Variants in KMT2D observed in about 807,000 individuals in gnomAD.
KMT2D encodes histone-lysine N-methyltransferase 2D.
A neutral mutation model predicts 512.7 loss-of-function variants in KMT2D; 55 were observed. The observed-to-expected ratio is 0.11, with a 90% CI of 0.09 to 0.13. The LOEUF (loss-of-function observed/expected upper bound fraction) is 0.13. Ranked by LOEUF, KMT2D falls within the 10% of genes least tolerant of loss-of-function variation. KMT2D has a pLI of 1.00. For synonymous variants in KMT2D, 2,995 were observed against 2,904.0 expected (o/e 1.03, Z -1.01); for missense variants, 6,061 against 7,127.9 (o/e 0.85, Z 5.39).
In KMT2D at chr12:49,020,572, T is replaced by TTGCCC; in HGVS notation, c.*1207_*1208insGGGCA. On this transcript the variant is annotated 3_prime_UTR_variant, in exon 55 of 55. Coordinates refer to ENST00000301067, the MANE Select transcript of KMT2D (RefSeq NM_003482.4). ...ACAATCCCATGTATAAATAGATAAA[T>TTGCCC]ACCCCCCACCCTCCCCGCGCTGACA... 5.1e-6 allele frequency: 1 copy of TTGCCC among 194,268 alleles called. No individual in the cohort carries two copies. The highest frequency in any genetic ancestry group is 1.1e-5 in the Non-Finnish European group (1 of 94,614). 12.0% of individuals were successfully genotyped at this position (194,268 alleles called of 1,614,324 possible).
rs1478027335 is a variant in KMT2D at position 49,037,948 on chromosome 12, A to G, written c.9408T>C (p.Ile3136=). The change falls in exon 35 of 55, where the codon ATT becomes ATC. Residue 3136 remains isoleucine (I), a synonymous_variant. Transcript: ENST00000301067. ...GRHPSPCQFT[I]ATPKVEPAPA... The stretch of plus-strand genomic sequence containing the variant: ...GTGCGGGCTCTACCTTGGGGGTAGC[A>G]ATGGTGAATTGGCAAGGAGAAGGGT... 7 of 1,603,976 alleles carry G rather than the reference A, an allele frequency of 4.4e-6. No homozygotes were observed. In the Admixed American group the frequency reaches 5.1e-5, roughly 12 times the overall value.
At chr12:49,055,960 C>G (rs1294049939) in intron 1 of KMT2D, among the ~76,000 whole-genome samples, 1 of 152,174 alleles carries the variant, frequency 6.6e-6, no homozygotes, top group Non-Finnish European at 1.5e-5. Context: ...AGAAGAAACT[C>G]CCTAATTTCC....
chr12:49,052,452 A>C (rs889708647), intron 10 of KMT2D, 28 bp from the exon 11 acceptor site: 1 of 1,546,982 alleles, frequency 6.5e-7, no homozygotes, highest in East Asian at 2.3e-5. Context: ...CGATGCTCCT[A>C]TCTAGCTCAG....
rs558561472 is a variant in KMT2D at position 49,030,304 on chromosome 12, G to A, written c.13975C>T (p.Arg4659Trp). The A allele has an allele frequency of 1.5e-5, 24 of 1,602,904 alleles. No individual in the cohort carries two copies. The highest frequency in any genetic ancestry group is 1.1e-4 in the East Asian group (5 of 44,482). Residue 4659 changes from arginine (R) to tryptophan (W), a missense_variant, in exon 43 of 55, where the codon CGG becomes TGG. By Grantham distance (101) the Arg-to-Trp change is moderately radical. Around this residue, in one of 16 missense-constraint regions of KMT2D, gnomAD observed 1,600 missense variants for 1,754.9 expected, o/e 0.91. Transcript: ENST00000301067. ...CCCCTCAGTGCCCTTTCACTATCCC[G>A]GGCAGAGGCAGCATCCTTGGGGTGC... ...GEHPKDAASA[R>W]DSERALRDTS...
Position 49,037,267 on chromosome 12 carries a change from C to A in KMT2D, c.10089G>T (p.Gly3363=), listed in dbSNP as rs2120476536. ...TCTGCTGGGGTACCAAGCCTGCCTG[C>A]CCTCCATGCTGCCCACTTAGCATAT... ...QGHMLSGQHG[G]QAGLVPQQSS... The change falls in exon 35 of 55, where the codon GGG becomes GGT. Residue 3363 remains glycine (G), a synonymous_variant. Coordinates refer to ENST00000301067, the MANE Select transcript of KMT2D (RefSeq NM_003482.4). The A allele has an allele frequency of 1.9e-6, 3 of 1,613,656 alleles. No homozygotes were observed. Among genetic ancestry groups the A allele is most frequent in the Non-Finnish European group, 2.5e-6 (3 of 1,179,826 alleles).
At position 49,060,061 on chromosome 12, in the gene KMT2D, C is replaced by A. The variant is rs1938649964; in HGVS notation, c.-486G>T. Among the ~76,000 whole-genome samples, 1 of 151,556 alleles carries A rather than the reference C, an allele frequency of 6.6e-6. No homozygotes were observed. Among genetic ancestry groups the A allele is most frequent in the Non-Finnish European group, 1.5e-5 (1 of 67,794 alleles). ...GCAGCCCGGAAGGAATGCCGCGCCGCCCCGCGCCTGGCCCGGATGGAACGT... is the reference window on the plus strand; with the variant it reads ...GCAGCCCGGAAGGAATGCCGCGCCGACCCGCGCCTGGCCCGGATGGAACGT... On this transcript the variant is annotated 5_prime_UTR_variant, in exon 1 of 55. Transcript: ENST00000301067.
rs1014564665 is a variant in KMT2D, at chr12:49,045,965, G to A, written c.4696C>T (p.Pro1566Ser). 2.5e-6 allele frequency: 4 copies of A among 1,614,000 alleles called. No homozygotes were observed. In the South Asian group the frequency reaches 4.4e-5, roughly 18 times the overall value. Residue 1566 changes from proline to serine, a missense_variant and splice_region_variant, in exon 19 of 55, where the codon CCT becomes TCT. Physicochemically the swap from Pro to Ser is moderately conservative, Grantham distance 74. This residue lies in a region of KMT2D where 640 missense variants were observed against 814.3 expected (regional missense o/e 0.79). Transcript: ENST00000301067. ...GGCACCAGCTCTGGAGGTGCAACAG[G>A]CGCTATGGAGAGAAGGACAAACGGA... ...CQPYVVKPVAPVAPPELVPMK... is the reference protein window; with the variant it reads ...CQPYVVKPVASVAPPELVPMK...
At position 49,032,987 on chromosome 12, in the gene KMT2D, C is replaced by CAGCTGCTGCTGCTGCTGA; in HGVS notation, c.11700_11717dup (p.Leu3912_Gln3917dup). 1 of 1,551,056 alleles carries CAGCTGCTGCTGCTGCTGA rather than the reference C, an allele frequency of 6.4e-7. No homozygotes were observed. Among genetic ancestry groups the CAGCTGCTGCTGCTGCTGA allele is most frequent in the Non-Finnish European group, 8.7e-7 (1 of 1,146,878 alleles). ...GCTGCTGAAGTTGCTGTTGCTGTTG[C>CAGCTGCTGCTGCTGCTGA]AGCTGCTGCTGCTGCTGAAGCTGCT... is the stretch of plus-strand genomic sequence containing the variant. On this transcript the variant is annotated inframe_insertion, in exon 40 of 55. Transcript: ENST00000301067.
intron 1 of KMT2D, among the ~76,000 whole-genome samples, chr12:49,059,170 C>T (rs1938588958): frequency 6.6e-6 from 1 of 152,116 alleles, no homozygotes; most frequent in Non-Finnish European, 1.5e-5. Context: ...GTAGGAACAA[C>T]CTTAAAGTCC....
rs2120500551 is a variant in KMT2D, at chr12:49,038,584, C to T, written c.8772G>A (p.Leu2924=). The T allele has an allele frequency of 6.2e-7, 1 of 1,612,650 alleles. No individual in the cohort carries two copies. Among genetic ancestry groups the T allele is most frequent in the Non-Finnish European group, 8.5e-7 (1 of 1,179,308 alleles). The part of the protein sequence containing the change: ...HRLAPEGLRG[L]AVSGLPPQKP... ...TCTGTGGGGGAAGACCTGATACCGC[C>T]AGGCCCCGAAGCCCTTCAGGAGCCA... The change falls in exon 35 of 55, where the codon CTG becomes CTA. Residue 2924 remains leucine (L), a synonymous_variant. Transcript: ENST00000301067. This position sits in a 1 kb window ranked among gnomAD's most constrained non-coding sequence, Gnocchi z 5.7.
rs755992385 is a variant in KMT2D at position 49,050,292 on chromosome 12, C to T, written c.3296G>A (p.Gly1099Glu). The change falls in exon 12 of 55, where the codon GGG becomes GAG. Residue 1099 changes from glycine (G) to glutamate (E), a missense_variant. Around this residue, in one of 16 missense-constraint regions of KMT2D, gnomAD observed 447 missense variants for 500.1 expected, o/e 0.89. Coordinates refer to ENST00000301067, the MANE Select transcript of KMT2D (RefSeq NM_003482.4). Reference sequence around the variant, plus strand: ...GCTGGGGGCGGGGCAGGAAAGGTCCCCCATTGGGGAAGGGAGAGGACTGGT... The same window carrying T: ...GCTGGGGGCGGGGCAGGAAAGGTCCTCCATTGGGGAAGGGAGAGGACTGGT... ...SATSPLPSPM[G>E]DLSCPAPSPA... 4 of 1,611,424 alleles carry T rather than the reference C, an allele frequency of 2.5e-6. No individual in the cohort carries two copies. Among genetic ancestry groups the T allele is most frequent in the Non-Finnish European group, 3.4e-6 (4 of 1,178,764 alleles).
rs201231484 is a variant in KMT2D, at chr12:49,053,521, C to T, written c.794G>A (p.Arg265His). The T allele has an allele frequency of 4.4e-6, 7 of 1,606,310 alleles. No homozygotes were observed. Among genetic ancestry groups the T allele is most frequent in the South Asian group, 1.1e-5 (1 of 89,732 alleles). ...CLDTALTARK[R>H]AGWQCPECKV... Reference sequence around the variant, plus strand: ...GCATTCAGGGCACTGCCAGCCAGCACGTTTGCGGGCAGTCAGAGCAGTGTC... The same window carrying T: ...GCATTCAGGGCACTGCCAGCCAGCATGTTTGCGGGCAGTCAGAGCAGTGTC... Residue 265 changes from arginine to histidine, a missense_variant, in exon 7 of 55, where the codon CGT becomes CAT. Physicochemically the swap from Arg to His is conservative, Grantham distance 29. Transcript: ENST00000301067.
Position 49,022,950 on chromosome 12 carries a change from C to T in KMT2D, c.16053-75G>A. ...ACATACCACCCACCTCCTCTGCCAC[C>T]TCCTGGGATGTGCAACACACCAGTT... On this transcript the variant is annotated intron_variant, in intron 51 of 54. Transcript: ENST00000301067. This position sits in a 1 kb window ranked among gnomAD's most constrained non-coding sequence, Gnocchi z 8.6. 1.4e-6 allele frequency: 2 copies of T among 1,428,188 alleles called. No individual in the cohort carries two copies. The highest frequency in any genetic ancestry group is 9.4e-7 in the Non-Finnish European group (1 of 1,067,382). 88.5% of individuals were successfully genotyped at this position (1,428,188 alleles called of 1,614,324 possible). A position where few individuals can be genotyped will look rare whatever the true frequency, so the allele number is the denominator to read the frequency against.
rs759557020 is a variant in KMT2D at position 49,050,974 on chromosome 12, AGGCTCAGACAGGGCT to A, written c.2694_2708del (p.Ala899_Pro903del). The A allele has an allele frequency of 2.1e-5, 33 of 1,562,650 alleles. No individual in the cohort carries two copies. The Admixed American group carries it at 6.4e-4, about 30-fold the overall frequency. ...GCAGAGGGGACAGAGGTGGTTCCCC[AGGCTCAGACAGGGCT>A]GGCTCTCCAAGCAAGGGAGATAAGG... is the stretch of plus-strand genomic sequence containing the variant. On this transcript the variant is annotated inframe_deletion, in exon 11 of 55. Transcript: ENST00000301067.
In KMT2D at chr12:49,049,915, G is replaced by A. The variant is rs917551080; in HGVS notation, c.3673C>T (p.Pro1225Ser). The A allele has an allele frequency of 7.4e-6, 12 of 1,613,810 alleles. No individual in the cohort carries two copies. The highest frequency in any genetic ancestry group is 1.0e-5 in the Non-Finnish European group (12 of 1,179,910). ...TCCGGGTCTGGAGAGCCCAGGAGGG[G>A]CTCTGAGCCAGGAAAACTGGCACTG... ...DASASFPGSE[P>S]LLGSPDPEGG... Residue 1225 changes from proline to serine, a missense_variant, in exon 12 of 55, where the codon CCC (proline) becomes TCC (serine). By Grantham distance (74) the Pro-to-Ser change is moderately conservative. This residue lies in a region of KMT2D where 447 missense variants were observed against 500.1 expected (regional missense o/e 0.89). Coordinates refer to ENST00000301067, the MANE Select transcript of KMT2D (RefSeq NM_003482.4).
intron 6 of KMT2D, 41 bp downstream of exon 6, chr12:49,053,937 G>C: frequency 6.3e-7 from 1 of 1,593,690 alleles, no homozygotes; most frequent in Non-Finnish European, 8.6e-7. Flanking sequence ...GGCACATTTG[G>C]TCTCTCATTT....
chr12:49,049,910 G>A lies in KMT2D; in HGVS notation c.3678C>T (p.Leu1226=), dbSNP rs2120642621. The change falls in exon 12 of 55, where the codon CTC becomes CTT. Residue 1226 remains leucine, a synonymous_variant. Transcript: ENST00000301067. ...ASASFPGSEP[L]LGSPDPEGGG... is the part of the protein sequence containing the mutation. ...CCCCCTCCGGGTCTGGAGAGCCCAG[G>A]AGGGGCTCTGAGCCAGGAAAACTGG... 1.2e-6 allele frequency: 2 copies of A among 1,613,938 alleles called. No homozygotes were observed. The highest frequency in any genetic ancestry group is 1.7e-6 in the Non-Finnish European group (2 of 1,179,882).
Position 49,019,794 on chromosome 12 carries a change from CT to C in KMT2D, c.*1985del. On this transcript the variant is annotated 3_prime_UTR_variant, in exon 55 of 55. Transcript: ENST00000301067. ...CAGCTTGAAACAGTTGAGGAAGCAGCTTTAAAAAAAAAAAATCTCCCTACCC... is the reference window on the plus strand; with the variant it reads ...CAGCTTGAAACAGTTGAGGAAGCAGCTTAAAAAAAAAAAATCTCCCTACCC... 3 of 229,082 alleles carry C rather than the reference CT, an allele frequency of 1.3e-5. No homozygotes were observed. The highest frequency in any genetic ancestry group is 6.2e-5 in the East Asian group (1 of 16,132). The allele number at this position is 229,082 out of a possible 1,614,324, so 14.2% of individuals were successfully genotyped here. A position where few individuals can be genotyped will look rare whatever the true frequency, so the allele number is the denominator to read the frequency against.
rs2120406091 is a variant in KMT2D, at chr12:49,030,635, G to A, written c.13805C>T (p.Thr4602Ile). The change falls in exon 42 of 55, where the codon ACT becomes ATT. Residue 4602 changes from threonine (T) to isoleucine (I), a missense_variant. Thr to Ile is a moderately conservative substitution (Grantham distance 89). Coordinates refer to ENST00000301067, the MANE Select transcript of KMT2D (RefSeq NM_003482.4). ...CAGCTGGGAATAGTAGTCAGGGCCA[G>A]TGGGCAGCGCCCCACTTCCAAAGGC... ...RGAFGSGALP[T>I]GPDYYSQLLT... is the part of the protein sequence containing the mutation. 6.2e-7 allele frequency: 1 copy of A among 1,602,602 alleles called. No homozygotes were observed. The highest frequency in any genetic ancestry group is 8.5e-7 in the Non-Finnish European group (1 of 1,174,116).
Sources: gnomAD v4.1 joint callset for allele counts (sites outside exome capture counted in the v4.1 genomes callset) on GRCh38, gnomAD v4.1.1 for gene constraint, gnomAD v4.1.1 regional missense constraint, Gnocchi (gnomAD v3.1) non-coding constraint, MANE v1.5 for transcripts, NCBI Gene and HGNC (gene_info 2026-07-23, HGNC 2026-07-21) for gene names.